Variants in SRGAP1 observed in about 807,000 individuals in gnomAD.
SRGAP1 encodes the protein SLIT-ROBO Rho GTPase activating protein 1.
Under a neutral mutation model 121.9 loss-of-function variants are expected in SRGAP1, and 43 were observed. The observed-to-expected ratio is 0.35, with a 90% CI of 0.28 to 0.46. SRGAP1 has a LOEUF of 0.46. Among genes scored for constraint, SRGAP1 ranks in the 20% least tolerant of loss-of-function variants. The pLI, the probability that SRGAP1 is intolerant of heterozygous loss-of-function variation, is 1.00. For missense variants in SRGAP1, 1,102 were observed against 1,350.9 expected, an observed-to-expected ratio of 0.82 and a Z score of 2.89; for synonymous variants, 447 against 485.4, an observed-to-expected ratio of 0.92 and a Z score of 1.04.
At chr12:63,861,575 A>G (rs1425744579) in intron 1 of SRGAP1, among the ~76,000 whole-genome samples, 2 of 152,118 alleles carry the variant, frequency 1.3e-5, no homozygotes, top group African/African-American at 4.8e-5. Context: ...CTAGGAATAC[A>G]GGCATGAACC....
intron 8 of SRGAP1, among the ~76,000 whole-genome samples, chr12:64,077,527 G>C (rs789709): frequency 0.4 from 59,328 of 149,502 alleles, 13,263 homozygotes; most frequent in Non-Finnish European, 0.52. Context: ...ATCAGGAGGA[G>C]TAAATGAAGT....
intron 1 of SRGAP1, among the ~76,000 whole-genome samples, chr12:63,911,174 G>A (rs931293231): frequency 7.9e-5 from 12 of 151,352 alleles, no homozygotes; most frequent in Non-Finnish European, 1.8e-4. Flanking sequence ...TGGCAGGCAC[G>A]TGTAGTCCCA....
chr12:63,865,447 C>A (rs770167748), intron 1 of SRGAP1, among the ~76,000 whole-genome samples: 5 of 151,770 alleles, frequency 3.3e-5, no homozygotes, highest in Admixed American at 6.6e-5. Context: ...CCAGCCTGGG[C>A]GATAGAGCGA....
chr12:63,914,721 C>T (rs74389951), intron 1 of SRGAP1, among the ~76,000 whole-genome samples: 360 of 152,186 alleles, frequency 2.4e-3, no homozygotes, highest in African/African-American at 8.2e-3. Flanking sequence ...AGGCAGCTAA[C>T]GGAAAACCCT....
chr12:63,913,518 T>TATATGTGTGTATTATATATATACAC (rs1565947891), intron 1 of SRGAP1, among the ~76,000 whole-genome samples: 1 of 146,082 alleles, frequency 6.8e-6, no homozygotes, highest in African/African-American at 2.5e-5. Context: ...TATATATATA[T>TATATGTGTGTATTATATATATACAC]ACATATATGT....
At chr12:64,132,231 T>G (rs1324805387) in intron 21 of SRGAP1, among the ~76,000 whole-genome samples, 1 of 152,188 alleles carries the variant, frequency 6.6e-6, no homozygotes, top group Non-Finnish European at 1.5e-5. Flanking sequence ...TCCAAAATCC[T>G]AGAGGCCTCC....
At chr12:63,964,976 A>G (rs1448949285) in intron 1 of SRGAP1, among the ~76,000 whole-genome samples, 1 of 152,232 alleles carries the variant, frequency 6.6e-6, no homozygotes, top group Non-Finnish European at 1.5e-5. Context: ...CGGGGAAAAA[A>G]TACGAGCTTT....
In SRGAP1 at chr12:64,016,259, A is replaced by C. The variant is rs2034397723; in HGVS notation, c.427-691A>C. ...TGAGACCAGTCTGGGCAATATGGTG[A>C]AACCCCGTCTCTACAAAAAATATAA... On this transcript the variant is annotated intron_variant, in intron 3 of 21. Coordinates refer to ENST00000355086, the MANE Select transcript of SRGAP1 (RefSeq NM_020762.4). 2.0e-5 allele frequency among the ~76,000 whole-genome samples: 3 copies of C among 152,186 alleles called. No individual in the cohort carries two copies. In the South Asian group the frequency reaches 6.2e-4, roughly 32 times the overall value.
rs530614104 is a variant in SRGAP1 at position 63,999,245 on chromosome 12, A to G, written c.426+9173A>G. Among the ~76,000 whole-genome samples the G allele has an allele frequency of 1.4e-4, 21 of 152,276 alleles. No individual in the cohort carries two copies. In the South Asian group the frequency reaches 1.9e-3, roughly 14 times the overall value. ...TGGGAGAGGGCAGATGGCAAGAGAG[A>G]TGATTGGAGAAATAAGGAGTTGAAA... On this transcript the variant is annotated intron_variant, in intron 3 of 21. Transcript: ENST00000355086.
intron 10 of SRGAP1, among the ~76,000 whole-genome samples, chr12:64,083,087 C>T (rs891599525): frequency 6.6e-6 from 1 of 152,154 alleles, no homozygotes; most frequent in African/African-American, 2.4e-5. Context: ...TGTGCAAGCC[C>T]TCTTCATGTT....
chr12:64,104,876 C>T (rs1565682798), intron 15 of SRGAP1, among the ~76,000 whole-genome samples: 2 of 151,492 alleles, frequency 1.3e-5, no homozygotes, highest in African/African-American at 4.9e-5. Context: ...CACAGGCCCC[C>T]TCATTCTTTT....
intron 1 of SRGAP1, among the ~76,000 whole-genome samples, chr12:63,895,774 T>A (rs2136301036): frequency 1.3e-5 from 2 of 152,370 alleles, no homozygotes; most frequent in South Asian, 4.1e-4. Context: ...TTGGGGTTAT[T>A]GTTAACTTCG....
chr12:63,901,984 G>C (rs2029952944), intron 1 of SRGAP1, among the ~76,000 whole-genome samples: 1 of 152,112 alleles, frequency 6.6e-6, no homozygotes, highest in Non-Finnish European at 1.5e-5. Flanking sequence ...TGCCTTGTTT[G>C]GACTTTATAG....
intron 3 of SRGAP1, among the ~76,000 whole-genome samples, chr12:63,998,868 A>G (rs2033792926): frequency 1.3e-5 from 2 of 152,174 alleles, no homozygotes; most frequent in Admixed American, 6.5e-5. Context: ...TCCTTCTTCA[A>G]TAAGTACTTA....
Position 64,142,526 on chromosome 12 carries a change from T to C in SRGAP1, c.3112T>C (p.Phe1038Leu). Residue 1038 changes from phenylalanine (F) to leucine (L), a missense_variant, in exon 22 of 22, where the codon TTC becomes CTC. Phe to Leu is a conservative substitution (Grantham distance 22). This residue lies in a region of SRGAP1 where 315 missense variants were observed against 343.1 expected (regional missense o/e 0.92). Coordinates refer to ENST00000355086, the MANE Select transcript of SRGAP1 (RefSeq NM_020762.4). Reference protein sequence around the residue: ...TSSSSDTMSTFKPMVAPRMGV... With the variant: ...TSSSSDTMSTLKPMVAPRMGV... ...CTCCTCCAGTGACACAATGAGTACTTTCAAGCCTATGGTGGCACCCAGAAT... is the reference window on the plus strand; with the variant it reads ...CTCCTCCAGTGACACAATGAGTACTCTCAAGCCTATGGTGGCACCCAGAAT... 2 of 1,614,190 alleles carry C rather than the reference T, an allele frequency of 1.2e-6. No individual in the cohort carries two copies. Among genetic ancestry groups the C allele is most frequent in the Non-Finnish European group, 1.7e-6 (2 of 1,180,036 alleles).
chr12:64,020,464 A>T (rs866194312), intron 4 of SRGAP1, among the ~76,000 whole-genome samples: 78 of 152,134 alleles, frequency 5.1e-4, no homozygotes, highest in Non-Finnish European at 1.6e-4. Context: ...TTTGCTGGGA[A>T]AAAAAAAGAA....
chr12:63,873,876 A>C (rs1311464784), intron 1 of SRGAP1, among the ~76,000 whole-genome samples: 1 of 151,760 alleles, frequency 6.6e-6, no homozygotes, highest in African/African-American at 2.4e-5. Flanking sequence ...AAAAATACAA[A>C]AATTAGCCAG....
chr12:63,900,237 G>A (rs1358061406), intron 1 of SRGAP1, among the ~76,000 whole-genome samples: 7 of 106,746 alleles, frequency 6.6e-5, no homozygotes, highest in African/African-American at 2.2e-4. Context: ...GTGGAGCCTC[G>A]CTCTTTCACC....
intron 1 of SRGAP1, among the ~76,000 whole-genome samples, chr12:63,884,577 C>G (rs1900307729): frequency 6.6e-6 from 1 of 152,066 alleles, no homozygotes; most frequent in African/African-American, 2.4e-5. Context: ...TGGTAGTATG[C>G]ATGCAGTATT....
Sources: gnomAD v4.1 joint callset for allele counts (sites outside exome capture counted in the v4.1 genomes callset) on GRCh38, gnomAD v4.1.1 for gene constraint, gnomAD v4.1.1 regional missense constraint, MANE v1.5 for transcripts, NCBI Gene and HGNC (gene_info 2026-07-23, HGNC 2026-07-21) for gene names.